The following MBD2 variants were observed in gnomAD, a reference collection of about 807,000 sequenced individuals.
MBD2 encodes methyl-CpG-binding domain protein 2.
A neutral mutation model predicts 39.3 loss-of-function variants in MBD2; 9 were observed. The observed-to-expected ratio is 0.23, with a 90% CI of 0.14 to 0.40. The LOEUF is 0.40. MBD2 is among the 10% of genes least tolerant of loss of function. The pLI is 1.00. For missense variants in MBD2, 458 were observed against 532.6 expected, an observed-to-expected ratio of 0.86 and a Z score of 1.38; for synonymous variants, 233 against 211.1, an observed-to-expected ratio of 1.10 and a Z score of -0.90.
intron 1 of MBD2, among the ~76,000 whole-genome samples, chr18:54,207,763 C>A (rs1449684805): frequency 3.3e-5 from 5 of 152,070 alleles, no homozygotes; most frequent in Admixed American, 2.6e-4. Context: ...AATAGCCAGG[C>A]GCAGTGGTTC....
At chr18:54,195,673 A>G (rs2086359806) in intron 2 of MBD2, among the ~76,000 whole-genome samples, 1 of 152,126 alleles carries the variant, frequency 6.6e-6, no homozygotes, top group Non-Finnish European at 1.5e-5. Flanking sequence ...AGTGCCTACT[A>G]TGTGGCAGGC....
At chr18:54,169,352 C>T (rs2086162201) in intron 3 of MBD2, among the ~76,000 whole-genome samples, 1 of 151,038 alleles carries the variant, frequency 6.6e-6, no homozygotes, top group Non-Finnish European at 1.5e-5. Context: ...TCAGTCAGCT[C>T]CTCTCACCAA....
intron 6 of MBD2, among the ~76,000 whole-genome samples, chr18:54,156,882 G>C (rs1330520415): frequency 6.6e-6 from 1 of 151,852 alleles, no homozygotes; most frequent in East Asian, 1.9e-4. Context: ...AAAGGAAACA[G>C]AAGTCTAGTA....
intron 2 of MBD2, among the ~76,000 whole-genome samples, chr18:54,195,189 G>C (rs920095201): frequency 1.3e-5 from 2 of 152,026 alleles, no homozygotes; most frequent in African/African-American, 4.8e-5. Context: ...AGCATAGTTT[G>C]AGCACCAGGG....
intron 3 of MBD2, among the ~76,000 whole-genome samples, chr18:54,177,272 T>C (rs2086218202): frequency 6.6e-6 from 1 of 152,238 alleles, no homozygotes; most frequent in Admixed American, 6.5e-5. Context: ...CAAAGTTTTA[T>C]GAAGATGGGG....
intron 3 of MBD2, among the ~76,000 whole-genome samples, chr18:54,173,639 C>A (rs1161946571): frequency 6.6e-6 from 1 of 152,194 alleles, no homozygotes; most frequent in Non-Finnish European, 1.5e-5. Context: ...AGGAAGGGAA[C>A]CTTTCCTTAA....
intron 2 of MBD2, among the ~76,000 whole-genome samples, chr18:54,202,323 G>A (rs2086414594): frequency 6.6e-6 from 1 of 152,120 alleles, no homozygotes; most frequent in South Asian, 2.1e-4. Flanking sequence ...GCAAGACTCT[G>A]TCTCAAAACA....
At chr18:54,192,187 A>C in intron 2 of MBD2, among the ~76,000 whole-genome samples, 1 of 152,224 alleles carries the variant, frequency 6.6e-6, no homozygotes, top group Non-Finnish European at 1.5e-5. Flanking sequence ...TCTTGTCACT[A>C]ATTAGGTATA....
chr18:54,200,675 T>A (rs565760331), intron 2 of MBD2, among the ~76,000 whole-genome samples: 95 of 147,724 alleles, frequency 6.4e-4, no homozygotes, highest in African/African-American at 2.5e-3. Flanking sequence ...AAGGTTTGGT[T>A]TTTATTTGCA....
chr18:54,164,584 C>T lies in MBD2; in HGVS notation c.1048G>A (p.Val350Ile), dbSNP rs1289789766. The change falls in exon 5 of 7, where the codon GTT becomes ATT. Residue 350 changes from valine to isoleucine, a missense_variant. Around this residue, in one of 2 missense-constraint regions of MBD2, gnomAD observed 189 missense variants for 296.6 expected, o/e 0.64. Coordinates refer to ENST00000256429, the MANE Select transcript of MBD2 (RefSeq NM_003927.5). ...AGGGGTTGAGATGTGTTAAGCCAAA[C>T]AGCAGGGTTCTTTTCCACAGCAGCG... ...VSAAVEKNPA[V>I]WLNTSQPLCK... The T allele has an allele frequency of 1.9e-6, 3 of 1,614,066 alleles. No homozygotes were observed. The highest frequency in any genetic ancestry group is 2.5e-6 in the Non-Finnish European group (3 of 1,180,038).
At chr18:54,217,203 T>C (rs1217116919) in intron 1 of MBD2, among the ~76,000 whole-genome samples, 2 of 152,220 alleles carry the variant, frequency 1.3e-5, no homozygotes, top group Admixed American at 6.5e-5. Context: ...TAAAATCTAA[T>C]TTTAAATTTT....
Position 54,170,474 on chromosome 18 carries a change from C to T in MBD2, c.841-4308G>A, listed in dbSNP as rs949013148. On this transcript the variant is annotated intron_variant, in intron 3 of 6. Transcript: ENST00000256429. Reference sequence around the variant, plus strand: ...ATCCCTATTCTGATGCTCTGGGAACCGAGGCTGATAATGTTGATTATTATT... The same window carrying T: ...ATCCCTATTCTGATGCTCTGGGAACTGAGGCTGATAATGTTGATTATTATT... 3.9e-5 allele frequency among the ~76,000 whole-genome samples: 6 copies of T among 152,042 alleles called. No homozygotes were observed. The South Asian group carries it at 6.2e-4, about 16-fold the overall frequency.
intron 1 of MBD2, among the ~76,000 whole-genome samples, chr18:54,207,436 T>C (rs995179796): frequency 2.6e-5 from 4 of 152,240 alleles, no homozygotes; most frequent in Non-Finnish European, 4.4e-5. Context: ...ATATATTTCC[T>C]TGCTGAGTCA....
At chr18:54,207,035 C>T (rs1177579993) in intron 1 of MBD2, among the ~76,000 whole-genome samples, 1 of 152,148 alleles carries the variant, frequency 6.6e-6, no homozygotes, top group South Asian at 2.1e-4. Context: ...AATCTTTCAG[C>T]GCCCCCATGT....
chr18:54,224,240 T>C lies in MBD2; in HGVS notation c.320A>G (p.Asp107Gly), dbSNP rs1242663921. 5 of 991,446 alleles carry C rather than the reference T, an allele frequency of 5.0e-6. No homozygotes were observed. The highest frequency in any genetic ancestry group is 1.8e-5 in the African/African-American group (1 of 55,058). The allele number at this position is 991,446 out of a possible 1,614,324, so 61.4% of individuals were successfully genotyped here. A position where few individuals can be genotyped will look rare whatever the true frequency, so the allele number is the denominator to read the frequency against. Reference sequence around the variant, plus strand: ...GCCGCCGCCGCCGCAGCCGCCGCCGTCGCCGCCAAGGCCGCTGCCGCCACT... The same window carrying C: ...GCCGCCGCCGCCGCAGCCGCCGCCGCCGCCGCCAAGGCCGCTGCCGCCACT... ...PPSGGSGLGG[D>G]GGGCGGGGSG... is the part of the protein sequence containing the mutation. The change falls in exon 1 of 7, where the codon GAC becomes GGC. Residue 107 changes from aspartate (D) to glycine (G), a missense_variant. Physicochemically the swap from Asp to Gly is moderately conservative, Grantham distance 94. Transcript: ENST00000256429.
chr18:54,199,002 T>C (rs927944488), intron 2 of MBD2, among the ~76,000 whole-genome samples: 10 of 152,222 alleles, frequency 6.6e-5, no homozygotes, highest in African/African-American at 2.4e-4. Context: ...ATATAAGCTC[T>C]AGACAAACAT....
intron 2 of MBD2, among the ~76,000 whole-genome samples, chr18:54,192,006 G>A (rs1033983897): frequency 2.0e-5 from 3 of 152,152 alleles, no homozygotes; most frequent in African/African-American, 4.8e-5. Flanking sequence ...TCAGGAGTAC[G>A]CATTTTAAAT....
chr18:54,190,761 A>T (rs1208742746), intron 2 of MBD2, among the ~76,000 whole-genome samples: 1 of 152,208 alleles, frequency 6.6e-6, no homozygotes. Context: ...TATCAACAAC[A>T]TTAAGTGAGG....
Position 54,217,289 on chromosome 18 carries a change from AAGAC to A in MBD2, c.542+6725_542+6728del, listed in dbSNP as rs565860577. Among the ~76,000 whole-genome samples the A allele has an allele frequency of 3.4e-4, 52 of 152,356 alleles. 1 individual carries two copies. Among genetic ancestry groups the A allele is most frequent in the Middle Eastern group, 3.4e-3 (1 of 294 alleles). On this transcript the variant is annotated intron_variant, in intron 1 of 6. Coordinates refer to ENST00000256429, the MANE Select transcript of MBD2 (RefSeq NM_003927.5). ...TTGAATTTGTATTATACTGAGAACA[AAGAC>A]AGGATGAAATCATGAAATCTGCAGA...
Sources: gnomAD v4.1 joint callset for allele counts (sites outside exome capture counted in the v4.1 genomes callset) on GRCh38, gnomAD v4.1.1 for gene constraint, gnomAD v4.1.1 regional missense constraint, MANE v1.5 for transcripts, NCBI Gene and HGNC (gene_info 2026-07-23, HGNC 2026-07-21) for gene names.